Variants in KCND2 observed in about 807,000 individuals in gnomAD.
KCND2 encodes the protein A-type voltage-gated potassium channel KCND2.
Under a neutral mutation model 54.4 loss-of-function variants are expected in KCND2, and 16 were observed. The ratio of observed to expected loss-of-function variants is 0.29; its 90% CI spans 0.20 to 0.45. The LOEUF (loss-of-function observed/expected upper bound fraction) is 0.45. Ranked by LOEUF, KCND2 falls within the 20% of genes least tolerant of loss-of-function variation. The pLI is 1.00. For missense variants in KCND2, 486 were observed against 824.2 expected (o/e 0.59, Z 5.02); for synonymous variants, 317 against 310.7 (o/e 1.02, Z -0.21).
intron 1 of KCND2, among the ~76,000 whole-genome samples, chr7:120,465,501 C>A (rs1384254751): frequency 1.3e-5 from 2 of 150,216 alleles, no homozygotes; most frequent in African/African-American, 4.9e-5. Flanking sequence ...ATAAATGGAC[C>A]ATGAAAAAAA....
At chr7:120,737,937 A>C (rs1792895015) in intron 2 of KCND2, among the ~76,000 whole-genome samples, 1 of 151,938 alleles carries the variant, frequency 6.6e-6, no homozygotes, top group Admixed American at 6.6e-5. Flanking sequence ...AATCTACCTC[A>C]TACCTCATCT....
chr7:120,289,209 G>T (rs1258460566), intron 1 of KCND2, among the ~76,000 whole-genome samples: 1 of 152,004 alleles, frequency 6.6e-6, no homozygotes, highest in African/African-American at 2.4e-5. Flanking sequence ...TCTGTAGCAG[G>T]CACGATCCCT....
chr7:120,635,383 T>C (rs1020574649), intron 1 of KCND2, among the ~76,000 whole-genome samples: 1 of 152,230 alleles, frequency 6.6e-6, no homozygotes, highest in African/African-American at 2.4e-5. Context: ...CTCCAACTTG[T>C]CAACTATGTT....
intron 1 of KCND2, among the ~76,000 whole-genome samples, chr7:120,569,703 G>A (rs1290004562): frequency 1.3e-5 from 2 of 152,076 alleles, no homozygotes; most frequent in Non-Finnish European, 2.9e-5. Flanking sequence ...TCAGAGAATA[G>A]TAAAGAAAGT....
intron 1 of KCND2, among the ~76,000 whole-genome samples, chr7:120,652,539 C>A (rs1429933304): frequency 6.6e-6 from 1 of 152,228 alleles, no homozygotes; most frequent in East Asian, 1.9e-4. Context: ...ACATTGTTAA[C>A]TCATAATGCA....
At chr7:120,715,365 G>C (rs1584894173) in intron 1 of KCND2, among the ~76,000 whole-genome samples, 1 of 151,940 alleles carries the variant, frequency 6.6e-6, no homozygotes, top group Non-Finnish European at 1.5e-5. Context: ...ATTTATGAAA[G>C]AATAAGAAAT....
At chr7:120,357,562 G>A (rs749523453) in intron 1 of KCND2, among the ~76,000 whole-genome samples, 75 of 151,894 alleles carry the variant, frequency 4.9e-4, no homozygotes, top group Non-Finnish European at 3.2e-4. Context: ...TAGAAATTAG[G>A]TAATTTTGAT....
intron 1 of KCND2, among the ~76,000 whole-genome samples, chr7:120,726,973 T>A (rs1792741166): frequency 6.6e-6 from 1 of 152,224 alleles, no homozygotes; most frequent in African/African-American, 2.4e-5. Context: ...AAGGATCTCT[T>A]CTATCTTCAT....
At chr7:120,513,381 G>T (rs1362690745) in intron 1 of KCND2, among the ~76,000 whole-genome samples, 1 of 152,020 alleles carries the variant, frequency 6.6e-6, no homozygotes, top group African/African-American at 2.4e-5. Flanking sequence ...ATGTGTTTTT[G>T]ATTTATCTAA....
intron 1 of KCND2, among the ~76,000 whole-genome samples, chr7:120,362,303 T>C (rs967993253): frequency 2.6e-5 from 4 of 152,148 alleles, no homozygotes; most frequent in African/African-American, 9.6e-5. Context: ...GTAAAAAGTT[T>C]CTCTGGTTTA....
At chr7:120,742,686 G>A in intron 4 of KCND2, 84 bp downstream of exon 4, 1 of 1,027,800 alleles carries the variant, frequency 9.7e-7, no homozygotes. Flanking sequence ...TTCCGAGTGT[G>A]ATTTCACTGT....
At chr7:120,589,906 T>C (rs1264179063) in intron 1 of KCND2, among the ~76,000 whole-genome samples, 1 of 152,202 alleles carries the variant, frequency 6.6e-6, no homozygotes, top group African/African-American at 2.4e-5. Context: ...TTACTATTAT[T>C]ATTATTGCCA....
chr7:120,395,102 T>G (rs62471554), intron 1 of KCND2, among the ~76,000 whole-genome samples: 15,525 of 152,044 alleles, frequency 0.1, 833 homozygotes, highest in Admixed American at 0.13. Context: ...GTTTATTCTG[T>G]GAAATTCCCA....
chr7:120,327,000 A>G (rs1035880249), intron 1 of KCND2, among the ~76,000 whole-genome samples: 4 of 151,988 alleles, frequency 2.6e-5, no homozygotes, highest in African/African-American at 9.6e-5. Context: ...TACAATTGTT[A>G]AGTGATGAGG....
chr7:120,442,929 C>T (rs112253947), intron 1 of KCND2, among the ~76,000 whole-genome samples: 180 of 152,226 alleles, frequency 1.2e-3, no homozygotes, highest in African/African-American at 3.9e-3. Flanking sequence ...CTCATAATCA[C>T]TAATGGCTAC....
intron 1 of KCND2, among the ~76,000 whole-genome samples, chr7:120,717,605 G>C (rs147512129): frequency 6.6e-6 from 1 of 152,190 alleles, no homozygotes; most frequent in African/African-American, 2.4e-5. Flanking sequence ...TTTGAGACAT[G>C]GAGTTGAAAG....
intron 1 of KCND2, among the ~76,000 whole-genome samples, chr7:120,642,571 A>C (rs61686805): frequency 6.7e-6 from 1 of 149,122 alleles, no homozygotes; most frequent in South Asian, 2.1e-4. Context: ...ATAAAAAATA[A>C]AAAAAAATAT....
intron 1 of KCND2, among the ~76,000 whole-genome samples, chr7:120,472,361 C>T (rs533629191): frequency 6.6e-6 from 1 of 151,938 alleles, no homozygotes; most frequent in Admixed American, 6.6e-5. Context: ...AATAGCAGAA[C>T]AGGAAAAATG....
chr7:120,398,619 A>G (rs1225403198), intron 1 of KCND2, among the ~76,000 whole-genome samples: 2 of 152,138 alleles, frequency 1.3e-5, no homozygotes, highest in East Asian at 3.9e-4. Flanking sequence ...GCAAAGATAT[A>G]CAATGCAAAC....
Sources: allele counts gnomAD v4.1 joint callset (sites outside exome capture counted in the v4.1 genomes callset), GRCh38; gene constraint gnomAD v4.1.1; transcripts MANE v1.5; gene names NCBI Gene and HGNC (gene_info 2026-07-23, HGNC 2026-07-21).